SUMF1: variants seen among roughly 807,000 people sequenced by gnomAD.
The protein encoded by SUMF1 is sulfatase modifying factor 1, also known as formylglycine-generating enzyme.
In SUMF1, 48 loss-of-function variants were observed where a neutral mutation model predicts 47.6. The observed-to-expected ratio is 1.01, with a 90% CI of 0.80 to 1.28. The LOEUF (loss-of-function observed/expected upper bound fraction) is 1.28. SUMF1 is among the 50% of genes most tolerant of loss of function. The pLI is 0.00. For missense variants in SUMF1, 571 were observed against 485.4 expected (o/e 1.18, Z -1.66); for synonymous variants, 230 against 192.1 (o/e 1.20, Z -1.63).
downstream of SUMF1, among the ~76,000 whole-genome samples, chr3:4,359,298 G>A (rs1049000223): frequency 6.6e-6 from 1 of 152,150 alleles, no homozygotes; most frequent in South Asian, 2.1e-4. Context: ...CATTTTTAGA[G>A]ACAGGGTCTT....
intron 8 of SUMF1, among the ~76,000 whole-genome samples, chr3:4,344,233 G>A (rs1699327993): frequency 6.6e-6 from 1 of 151,920 alleles, no homozygotes; most frequent in Non-Finnish European, 1.5e-5. Flanking sequence ...GAGCAGTGTG[G>A]TGTGGCGGCC....
intron 8 of SUMF1, among the ~76,000 whole-genome samples, chr3:4,215,829 A>T (rs1049017773): frequency 9.2e-5 from 14 of 152,188 alleles, no homozygotes; most frequent in African/African-American, 2.9e-4. Flanking sequence ...AATACAACTC[A>T]TAAGGAATGT....
At chr3:4,284,900 A>G (rs957811265) in intron 8 of SUMF1, among the ~76,000 whole-genome samples, 33 of 152,192 alleles carry the variant, frequency 2.2e-4, no homozygotes, top group African/African-American at 7.2e-4. Flanking sequence ...GTTACTTCCA[A>G]TACAAAGATT....
At position 4,452,905 on chromosome 3, in the gene SUMF1, A is replaced by C; in HGVS notation, c.415T>G (p.Phe139Val). ...GTCAAATAGCCAGTTGAGTTCACAA[A>C]CTTCTCAAATTCAGTATTACTGACT... is the stretch of plus-strand genomic sequence containing the variant. ...YEVSNTEFEK[F>V]VNSTGYLTEA... The change falls in exon 2 of 9, where the codon TTT becomes GTT. Residue 139 changes from phenylalanine to valine, a missense_variant. Phe to Val is a conservative substitution (Grantham distance 50). Transcript: ENST00000272902. The C allele has an allele frequency of 6.2e-7, 1 of 1,614,166 alleles. No homozygotes were observed. Among genetic ancestry groups the C allele is most frequent in the African/African-American group, 1.3e-5 (1 of 75,040 alleles).
chr3:4,139,903 G>A (rs1694034962), intron 8 of SUMF1, among the ~76,000 whole-genome samples: 1 of 151,902 alleles, frequency 6.6e-6, no homozygotes, highest in Non-Finnish European at 1.5e-5. Flanking sequence ...TTGAACACAT[G>A]CTCTTGGCAT....
rs565132985 is a variant in SUMF1, at chr3:4,402,071, C to T, written c.954+8794G>A. On this transcript the variant is annotated intron_variant, in intron 7 of 8. Transcript: ENST00000272902. ...TGCGCACACACACATGCTCCCCTCA[C>T]TGCATTTACTTTGGGTATGGAAAAG... Among the ~76,000 whole-genome samples the T allele has an allele frequency of 3.3e-5, 5 of 152,260 alleles. 1 individual carries two copies. In the South Asian group the frequency reaches 8.3e-4, roughly 25 times the overall value.
chr3:4,149,828 T>C (rs1218646912), intron 8 of SUMF1, among the ~76,000 whole-genome samples: 4 of 152,112 alleles, frequency 2.6e-5, no homozygotes, highest in African/African-American at 9.7e-5. Flanking sequence ...TGGTGATGAA[T>C]AGGGGCCAAC....
intron 3 of SUMF1, among the ~76,000 whole-genome samples, chr3:4,428,951 G>A (rs571640567): frequency 1.1e-4 from 16 of 152,032 alleles, no homozygotes; most frequent in Non-Finnish European, 1.5e-4. Flanking sequence ...TGTTTTATCT[G>A]AACTTCATAA....
Position 4,434,956 on chromosome 3 carries a change from T to G in SUMF1, c.519+14310A>C, listed in dbSNP as rs539795991. On this transcript the variant is annotated intron_variant, in intron 3 of 8. Coordinates refer to ENST00000272902, the MANE Select transcript of SUMF1 (RefSeq NM_182760.4). Reference sequence around the variant, plus strand: ...TTTTTAAATTTTCTTGAGACACACTTTCACTCTGTTGCCCAGGTTGGAGTG... The same window carrying G: ...TTTTTAAATTTTCTTGAGACACACTGTCACTCTGTTGCCCAGGTTGGAGTG... Among the ~76,000 whole-genome samples the G allele has an allele frequency of 4.6e-5, 7 of 152,290 alleles. No individual in the cohort carries two copies. The East Asian group carries it at 1.4e-3, about 29-fold the overall frequency.
intron 3 of SUMF1, among the ~76,000 whole-genome samples, chr3:4,434,475 G>GC (rs1417006162): frequency 1.3e-5 from 2 of 152,028 alleles, no homozygotes; most frequent in African/African-American, 2.4e-5. Flanking sequence ...TTATAAATGC[G>GC]CAACAGTAAA....
chr3:4,364,290 G>C (rs1211202282), intron 8 of SUMF1, among the ~76,000 whole-genome samples: 2 of 107,878 alleles, frequency 1.9e-5, no homozygotes, highest in South Asian at 3.6e-4. Context: ...AATAGTTTCA[G>C]AAGGAATGGT....
At position 4,467,160 on chromosome 3, in the gene SUMF1, C is replaced by A; in HGVS notation, c.86G>T (p.Cys29Phe). The stretch of plus-strand genomic sequence containing the variant: ...GGCCTCCTGGCTCCCTGCCGCTCCA[C>A]ACAGCAGCGAGAGCAGCAGCAGCAA... ...VLLLLLLSLLCGAAGSQEAGT... is the reference protein window; with the variant it reads ...VLLLLLLSLLFGAAGSQEAGT... The change falls in exon 1 of 9, where the codon TGT (cysteine) becomes TTT (phenylalanine). Residue 29 changes from cysteine (C) to phenylalanine (F), a missense_variant. Physicochemically the swap from Cys to Phe is radical, Grantham distance 205. Transcript: ENST00000272902. The A allele has an allele frequency of 6.2e-7, 1 of 1,601,694 alleles. No homozygotes were observed. Among genetic ancestry groups the A allele is most frequent in the South Asian group, 1.1e-5 (1 of 89,266 alleles).
chr3:4,079,074 G>A lies in SUMF1; in HGVS notation c.1015-10329C>T, dbSNP rs139992133. Among the ~76,000 whole-genome samples, 260 of 152,076 alleles carry A rather than the reference G, an allele frequency of 1.7e-3. 4 individuals are homozygous for A. The highest frequency in any genetic ancestry group is 6.8e-3 in the Admixed American group (104 of 15,288). On this transcript the variant is annotated intron_variant and NMD_transcript_variant, in intron 8 of 12. Coordinates refer to the SUMF1 transcript ENST00000448413. ...GTCATCTGTACCTCAGAGCAGTTCT[G>A]CGTGAGTCGCCTCACAGTCCCTGAT...
intron 3 of SUMF1, among the ~76,000 whole-genome samples, chr3:4,436,517 G>T (rs1575219492): frequency 2.6e-5 from 4 of 151,844 alleles, no homozygotes; most frequent in Admixed American, 2.6e-4. Context: ...CATCTAATTG[G>T]AGTTTCAGAG....
At chr3:4,140,796 C>A (rs1334694253) in intron 8 of SUMF1, among the ~76,000 whole-genome samples, 2 of 151,824 alleles carry the variant, frequency 1.3e-5, no homozygotes, top group East Asian at 3.9e-4. Context: ...AGAGGGATAT[C>A]CTTAGAATAG....
chr3:4,221,423 G>A (rs1443885468), intron 8 of SUMF1, among the ~76,000 whole-genome samples: 1 of 100,636 alleles, frequency 9.9e-6, no homozygotes, highest in African/African-American at 5.8e-5. Context: ...GGGTGTGTGT[G>A]TGTGTGTGTG....
rs763565087 is a variant in SUMF1 at position 4,467,012 on chromosome 3, G to T, written c.234C>A (p.Gly78=). Residue 78 remains glycine (G), a synonymous_variant, in exon 1 of 9, where the codon GGC becomes GGA. Coordinates refer to ENST00000272902, the MANE Select transcript of SUMF1 (RefSeq NM_182760.4). ...HRYSREANAP[G]PVPGERQLAH... ...CGAGTTGCCGCTCTCCGGGTACGGG[G>T]CCCGGAGCGTTAGCCTCCCGCGAGT... 93 of 1,594,318 alleles carry T rather than the reference G, an allele frequency of 5.8e-5. No homozygotes were observed. The highest frequency in any genetic ancestry group is 7.5e-5 in the Non-Finnish European group (88 of 1,172,322).
chr3:4,240,972 G>A (rs575178767), intron 8 of SUMF1, among the ~76,000 whole-genome samples: 90 of 152,050 alleles, frequency 5.9e-4, no homozygotes, highest in African/African-American at 2.0e-3. Context: ...CCAAAGATAC[G>A]ATATCCTTTC....
chr3:4,283,843 A>G (rs1045815959), intron 8 of SUMF1, among the ~76,000 whole-genome samples: 1 of 152,132 alleles, frequency 6.6e-6, no homozygotes, highest in Non-Finnish European at 1.5e-5. Flanking sequence ...GCGTCTGGTA[A>G]GGGATCACTT....
Sources: allele counts gnomAD v4.1 joint callset (sites outside exome capture counted in the v4.1 genomes callset), GRCh38; gene constraint gnomAD v4.1.1; transcripts MANE v1.5; gene names NCBI Gene and HGNC (gene_info 2026-07-23, HGNC 2026-07-21).